GRID2: variants seen among roughly 807,000 people sequenced by gnomAD.
GRID2 encodes the protein glutamate ionotropic receptor delta type subunit 2, also known as glutamate receptor ionotropic, delta-2.
In GRID2, 33 loss-of-function variants were observed where a neutral mutation model predicts 114.8. The observed-to-expected ratio is 0.29, with a 90% CI of 0.22 to 0.38. The LOEUF (loss-of-function observed/expected upper bound fraction) is 0.38. Ranked by LOEUF, GRID2 falls within the 10% of genes least tolerant of loss-of-function variation. The pLI is 1.00. For synonymous variants in GRID2, 505 were observed against 449.9 expected (o/e 1.12, Z -1.55); for missense variants, 1,184 against 1,257.7 (o/e 0.94, Z 0.89).
chr4:93,409,642 A>G (rs918145608), intron 9 of GRID2, among the ~76,000 whole-genome samples: 1 of 152,202 alleles, frequency 6.6e-6, no homozygotes, highest in Non-Finnish European at 1.5e-5. Context: ...CATGTCAAAG[A>G]CTAAGAGTAC....
chr4:93,112,920 C>G (rs1214421564), intron 4 of GRID2, among the ~76,000 whole-genome samples: 1 of 152,142 alleles, frequency 6.6e-6, no homozygotes, highest in African/African-American at 2.4e-5. Flanking sequence ...AGGGTTCACC[C>G]TAATGACCTA....
chr4:93,045,433 A>T lies in GRID2; in HGVS notation c.245-39562A>T, dbSNP rs550924808. Among the ~76,000 whole-genome samples the T allele has an allele frequency of 1.4e-3, 220 of 152,168 alleles. 1 individual carries two copies. Among genetic ancestry groups the T allele is most frequent in the African/African-American group, 5.2e-3 (217 of 41,540 alleles). Reference sequence around the variant, plus strand: ...CTATATATGTATCTATGTATGTATTAATTTATTTTTGAGACCAAAATAACT... The same window carrying T: ...CTATATATGTATCTATGTATGTATTTATTTATTTTTGAGACCAAAATAACT... On this transcript the variant is annotated intron_variant, in intron 2 of 15. Coordinates refer to ENST00000282020, the MANE Select transcript of GRID2 (RefSeq NM_001510.4).
At chr4:92,446,937 A>G (rs1733502510) in intron 1 of GRID2, among the ~76,000 whole-genome samples, 1 of 152,224 alleles carries the variant, frequency 6.6e-6, no homozygotes, top group African/African-American at 2.4e-5. Context: ...TCTGTCCAAC[A>G]GATCTGCTAT....
intron 8 of GRID2, among the ~76,000 whole-genome samples, chr4:93,252,935 G>C (rs1163019228): frequency 6.6e-6 from 1 of 152,016 alleles, no homozygotes; most frequent in Non-Finnish European, 1.5e-5. Context: ...AAACTTTATA[G>C]TGTGGCAATT....
intron 8 of GRID2, among the ~76,000 whole-genome samples, chr4:93,269,898 C>T (rs184974485): frequency 6.6e-6 from 1 of 152,238 alleles, no homozygotes; most frequent in Non-Finnish European, 1.5e-5. Context: ...ATTTGAAATA[C>T]TTTCTTTACC....
chr4:92,720,937 T>C (rs1735780346), intron 2 of GRID2, among the ~76,000 whole-genome samples: 2 of 152,150 alleles, frequency 1.3e-5, no homozygotes, highest in South Asian at 4.1e-4. Context: ...ACAAACAAAA[T>C]GTGGTATAAA....
intron 14 of GRID2, among the ~76,000 whole-genome samples, chr4:93,725,881 T>C (rs1729832818): frequency 6.6e-6 from 1 of 152,188 alleles, no homozygotes; most frequent in Non-Finnish European, 1.5e-5. Flanking sequence ...TTCTGGATAT[T>C]AGCCCTTTGT....
intron 11 of GRID2, among the ~76,000 whole-genome samples, chr4:93,467,749 T>A (rs1383595627): frequency 2.0e-5 from 3 of 152,214 alleles, no homozygotes; most frequent in Non-Finnish European, 4.4e-5. Flanking sequence ...TCACTCCATC[T>A]TATTTATCTT....
At chr4:92,317,665 A>G (rs1353395507) in intron 1 of GRID2, among the ~76,000 whole-genome samples, 1 of 152,240 alleles carries the variant, frequency 6.6e-6, no homozygotes, top group Non-Finnish European at 1.5e-5. Context: ...GACTGCTCGT[A>G]TGCACAGGCT....
chr4:93,692,455 C>A (rs1726654159), intron 14 of GRID2, among the ~76,000 whole-genome samples: 5 of 152,080 alleles, frequency 3.3e-5, no homozygotes, highest in Admixed American at 3.3e-4. Context: ...AATGTATCTG[C>A]TACATAGAAA....
At chr4:93,090,243 A>G (rs367911895) in intron 3 of GRID2, among the ~76,000 whole-genome samples, 2 of 152,280 alleles carry the variant, frequency 1.3e-5, no homozygotes, top group East Asian at 3.9e-4. Context: ...GATCTCAACC[A>G]TGCCCACCAG....
intron 14 of GRID2, among the ~76,000 whole-genome samples, chr4:93,720,400 T>A (rs377500148): frequency 6.6e-6 from 1 of 152,190 alleles, no homozygotes; most frequent in Non-Finnish European, 1.5e-5. Context: ...GCATGTAGAG[T>A]TTGCTCATTT....
intron 2 of GRID2, among the ~76,000 whole-genome samples, chr4:93,051,796 C>T (rs961877072): frequency 1.2e-4 from 18 of 151,896 alleles, no homozygotes; most frequent in African/African-American, 3.9e-4. Flanking sequence ...TACATGCTGC[C>T]ACAACTAACA....
At chr4:93,341,941 A>G (rs923881443) in intron 8 of GRID2, among the ~76,000 whole-genome samples, 10 of 152,056 alleles carry the variant, frequency 6.6e-5, no homozygotes, top group Non-Finnish European at 1.5e-5. Context: ...ATAGAATAGA[A>G]CAAAGGATTT....
intron 12 of GRID2, among the ~76,000 whole-genome samples, chr4:93,502,372 A>T (rs1006476472): frequency 6.6e-6 from 1 of 152,026 alleles, no homozygotes; most frequent in African/African-American, 2.4e-5. Flanking sequence ...CTTTTATATC[A>T]ACTATACCAA....
At chr4:93,660,069 TAGA>T (rs1007823955) in intron 14 of GRID2, among the ~76,000 whole-genome samples, 5 of 152,116 alleles carry the variant, frequency 3.3e-5, no homozygotes, top group Admixed American at 2.6e-4. Flanking sequence ...AAAATTTTTA[TAGA>T]AGAAGACTTA....
At chr4:93,567,242 G>T (rs1003586488) in intron 13 of GRID2, among the ~76,000 whole-genome samples, 1 of 152,054 alleles carries the variant, frequency 6.6e-6, no homozygotes, top group Non-Finnish European at 1.5e-5. Flanking sequence ...ATCTGATATG[G>T]TTATTTCCCC....
intron 1 of GRID2, among the ~76,000 whole-genome samples, chr4:92,571,655 T>G (rs1414041037): frequency 2.0e-5 from 3 of 151,908 alleles, no homozygotes; most frequent in South Asian, 4.2e-4. Flanking sequence ...TCAGCAAATG[T>G]AAAAGAACAG....
At chr4:93,690,836 TATATA>T (rs1185058076) in intron 14 of GRID2, among the ~76,000 whole-genome samples, 18 of 150,682 alleles carry the variant, frequency 1.2e-4, no homozygotes, top group Non-Finnish European at 2.4e-4. Context: ...GCTTATTTTA[TATATA>T]ATATGTTGTT....
Sources: allele counts gnomAD v4.1 joint callset (sites outside exome capture counted in the v4.1 genomes callset), GRCh38; gene constraint gnomAD v4.1.1; transcripts MANE v1.5; gene names NCBI Gene and HGNC (gene_info 2026-07-23, HGNC 2026-07-21).